Variants in CCDC148 observed in about 807,000 individuals in gnomAD.
CCDC148 encodes coiled-coil domain-containing protein 148.
Under a neutral mutation model 85.7 loss-of-function variants are expected in CCDC148, and 89 were observed. The observed-to-expected ratio is 1.04, with a 90% CI of 0.87 to 1.24. The LOEUF (loss-of-function observed/expected upper bound fraction) is 1.24. Among genes scored for constraint, CCDC148 ranks in the 50% most tolerant of loss-of-function variants. CCDC148 has a pLI of 0.00. For missense variants in CCDC148, 692 were observed against 671.7 expected (o/e 1.03, Z -0.33); for synonymous variants, 230 against 213.9 (o/e 1.08, Z -0.66).
At chr2:158,339,346 G>A (rs1682553121) in intron 5 of CCDC148, among the ~76,000 whole-genome samples, 1 of 152,092 alleles carries the variant, frequency 6.6e-6, no homozygotes, top group South Asian at 2.1e-4. Context: ...TATTTTCTCT[G>A]TGGTAATGCA....
chr2:158,253,931 TA>T (rs1379590240), intron 9 of CCDC148, among the ~76,000 whole-genome samples: 1 of 151,536 alleles, frequency 6.6e-6, no homozygotes, highest in Non-Finnish European at 1.5e-5. Context: ...TGCCAAAAAA[TA>T]AAATTGAATC....
At chr2:158,244,789 G>T (rs1002897632) in intron 10 of CCDC148, among the ~76,000 whole-genome samples, 5 of 152,116 alleles carry the variant, frequency 3.3e-5, no homozygotes, top group Non-Finnish European at 5.9e-5. Context: ...GATTATACAG[G>T]CCACGGCTGG....
intron 1 of CCDC148, among the ~76,000 whole-genome samples, chr2:158,397,614 G>C (rs1029625700): frequency 3.3e-5 from 5 of 152,058 alleles, no homozygotes; most frequent in Non-Finnish European, 7.4e-5. Flanking sequence ...TGCCTTACAA[G>C]TATTCCTGAA....
intron 11 of CCDC148, 49 bp downstream of exon 11, chr2:158,220,546 G>T: frequency 8.1e-7 from 1 of 1,235,046 alleles, no homozygotes; most frequent in Non-Finnish European, 1.2e-6. Flanking sequence ...CTTTACAAAA[G>T]ACTCCATTCA....
At chr2:158,347,196 G>C (rs1267049024) in intron 2 of CCDC148, among the ~76,000 whole-genome samples, 2 of 151,948 alleles carry the variant, frequency 1.3e-5, no homozygotes, top group African/African-American at 4.8e-5. Context: ...TTTAAAATTA[G>C]ATTTCTTTGG....
At chr2:158,291,145 G>A (rs1690875347) in intron 9 of CCDC148, among the ~76,000 whole-genome samples, 1 of 152,094 alleles carries the variant, frequency 6.6e-6, no homozygotes, top group Non-Finnish European at 1.5e-5. Flanking sequence ...AAAGAGATGG[G>A]TCTCGCTATA....
intron 9 of CCDC148, among the ~76,000 whole-genome samples, chr2:158,280,425 G>A (rs577613698): frequency 2.6e-5 from 4 of 152,290 alleles, no homozygotes; most frequent in African/African-American, 9.6e-5. Flanking sequence ...TAAAGGGATG[G>A]AGGAAGATGT....
At chr2:158,379,728 G>C (rs1214472881) in intron 1 of CCDC148, among the ~76,000 whole-genome samples, 2 of 152,146 alleles carry the variant, frequency 1.3e-5, no homozygotes, top group Non-Finnish European at 2.9e-5. Flanking sequence ...CTGAGGCTGA[G>C]ATGAGCATTG....
intron 1 of CCDC148, among the ~76,000 whole-genome samples, chr2:158,393,472 G>A (rs1324896762): frequency 6.6e-6 from 1 of 152,092 alleles, no homozygotes; most frequent in Admixed American, 6.6e-5. Flanking sequence ...TCAATTATAG[G>A]GAAAGGGAAG....
At chr2:158,401,153 A>C (rs1301071916) in intron 1 of CCDC148, among the ~76,000 whole-genome samples, 1 of 152,122 alleles carries the variant, frequency 6.6e-6, no homozygotes, top group African/African-American at 2.4e-5. Flanking sequence ...CGATTCCTGA[A>C]GGATTTAGAA....
chr2:158,359,731 C>G (rs1047267707), intron 1 of CCDC148, among the ~76,000 whole-genome samples: 1 of 152,142 alleles, frequency 6.6e-6, no homozygotes, highest in Non-Finnish European at 1.5e-5. Flanking sequence ...ACCAGAGCCC[C>G]GGGTTTCAAG....
intron 10 of CCDC148, among the ~76,000 whole-genome samples, chr2:158,239,833 T>A (rs1688272126): frequency 6.6e-6 from 1 of 152,108 alleles, no homozygotes. Flanking sequence ...AAAAAACATA[T>A]GCTATCGTCT....
chr2:158,250,950 C>G, intron 9 of CCDC148, 38 bp from the exon 10 acceptor site: 1 of 1,565,066 alleles, frequency 6.4e-7, no homozygotes, highest in East Asian at 2.2e-5. Flanking sequence ...AGTAACTATG[C>G]ACACTGAAGT....
chr2:158,352,532 A>T (rs1439607181), intron 2 of CCDC148, among the ~76,000 whole-genome samples: 1 of 152,016 alleles, frequency 6.6e-6, no homozygotes, highest in Non-Finnish European at 1.5e-5. Context: ...GAGAAAAAAG[A>T]ATAAAAAGAA....
chr2:158,276,368 A>C (rs1209349735), intron 9 of CCDC148, among the ~76,000 whole-genome samples: 1 of 152,176 alleles, frequency 6.6e-6, no homozygotes, highest in Non-Finnish European at 1.5e-5. Flanking sequence ...TGGGAAGCGG[A>C]GGTTGCAGTG....
At chr2:158,295,850 A>G (rs1289479673) in intron 9 of CCDC148, among the ~76,000 whole-genome samples, 1 of 151,830 alleles carries the variant, frequency 6.6e-6, no homozygotes, top group African/African-American at 2.4e-5. Flanking sequence ...CTCCTATTCA[A>G]CATAGTGTTG....
intron 1 of CCDC148, among the ~76,000 whole-genome samples, chr2:158,367,260 A>C (rs901289416): frequency 7.9e-5 from 12 of 152,212 alleles, no homozygotes; most frequent in African/African-American, 2.9e-4. Flanking sequence ...GCACGCCTCC[A>C]GAAATAAATC....
rs60613734 is a variant in CCDC148, at chr2:158,429,718, T to C, written c.25+26697A>G. Reference sequence around the variant, plus strand: ...TATAATGGAGTATCAAAGACCAGGCTTACCCTTCCACTGTAACCAACTAGA... The same window carrying C: ...TATAATGGAGTATCAAAGACCAGGCCTACCCTTCCACTGTAACCAACTAGA... On this transcript the variant is annotated intron_variant, in intron 1 of 13. Transcript: ENST00000283233. Among the ~76,000 whole-genome samples, 793 of 152,312 alleles carry C rather than the reference T, an allele frequency of 5.2e-3. 7 individuals carry two copies. Among genetic ancestry groups the C allele is most frequent in the African/African-American group, 0.018 (738 of 41,558 alleles).
chr2:158,427,933 A>G (rs895274577), intron 1 of CCDC148, among the ~76,000 whole-genome samples: 7 of 152,216 alleles, frequency 4.6e-5, no homozygotes, highest in Middle Eastern at 6.3e-3. Flanking sequence ...TGGGGAACAC[A>G]GTCAAGATCA....
Sources: gnomAD v4.1 joint callset for allele counts (sites outside exome capture counted in the v4.1 genomes callset) on GRCh38, gnomAD v4.1.1 for gene constraint, MANE v1.5 for transcripts, NCBI Gene and HGNC (gene_info 2026-07-23, HGNC 2026-07-21) for gene names.